The following GDF7 variants were observed in gnomAD, a reference collection of about 807,000 sequenced individuals.
The protein encoded by GDF7 is growth differentiation factor 7, also known as growth/differentiation factor 7.
In GDF7, 12 loss-of-function variants were observed where a neutral mutation model predicts 13.4. That is an observed-to-expected ratio of 0.90 (90% CI 0.57 to 1.45). The LOEUF (loss-of-function observed/expected upper bound fraction) is 1.45, where lower values mean the gene tolerates loss of function less well. Among genes scored for constraint, GDF7 ranks in the 40% most tolerant of loss-of-function variants. The pLI is 0.00. For missense variants in GDF7, 651 were observed against 652.4 expected (o/e 1.00, Z 0.02); for synonymous variants, 330 against 306.4 (o/e 1.08, Z -0.80).
chr2:20,667,566 T>A lies in GDF7; in HGVS notation c.327T>A (p.Ala109=). 1 of 1,502,940 alleles carries A rather than the reference T, an allele frequency of 6.7e-7. No individual in the cohort carries two copies. The highest frequency in any genetic ancestry group is 8.8e-7 in the Non-Finnish European group (1 of 1,133,036). The allele number at this position is 1,502,940 out of a possible 1,614,324, so 93.1% of individuals were successfully genotyped here. A position where few individuals can be genotyped will look rare whatever the true frequency, so the allele number is the denominator to read the frequency against. ...LAGRAPAGAA[A]VSASGHGRAD... ...GGAGGGCTCCGGCCGGGGCAGCCGC[T>A]GTCTCCGCCTCGGGCCATGGTCGCG... The change falls in exon 1 of 2, where the codon GCT becomes GCA. Residue 109 remains alanine (A), a synonymous_variant. Coordinates refer to ENST00000272224, the MANE Select transcript of GDF7 (RefSeq NM_182828.4). The surrounding 1 kb of genome is among the most constrained non-coding windows in gnomAD (Gnocchi z 6.4).
chr2:20,678,272 T>C lies in GDF7; in HGVS notation c.*6847T>C, dbSNP rs1350362560. 1.3e-5 allele frequency: 2 copies of C among 152,260 alleles called. No homozygotes were observed. Among genetic ancestry groups the C allele is most frequent in the Admixed American group, 6.5e-5 (1 of 15,290 alleles). The allele number at this position is 152,260 out of a possible 1,614,324, so 9.4% of individuals were successfully genotyped here. ...CATGAGCATCCTTAGAATAATTTTA[T>C]TTTTGTATTTCACTTTACACTGTAA... On this transcript the variant is annotated 3_prime_UTR_variant, in exon 2 of 2. Transcript: ENST00000272224.
In GDF7 at chr2:20,671,311, C is replaced by T. The variant is rs1286261730; in HGVS notation, c.1239C>T (p.Ser413=). 1 of 1,613,620 alleles carries T rather than the reference C, an allele frequency of 6.2e-7. No homozygotes were observed. The highest frequency in any genetic ancestry group is 8.5e-7 in the Non-Finnish European group (1 of 1,179,968). ...TGGCACCAGACGCGGCGCCGGCCTC[C>T]TGCTGTGTGCCAGCGCGCCTCAGCC... ...NSMAPDAAPA[S]CCVPARLSPI... is the part of the protein sequence containing the mutation. Residue 413 remains serine (S), a synonymous_variant, in exon 2 of 2, where the codon TCC becomes TCT. Transcript: ENST00000272224.
rs1335672243 is a variant in GDF7, at chr2:20,678,121, G to C, written c.*6696G>C. The C allele has an allele frequency of 6.6e-6, 1 of 152,258 alleles. No homozygotes were observed. Among genetic ancestry groups the C allele is most frequent in the Non-Finnish European group, 1.5e-5 (1 of 68,052 alleles). 9.4% of individuals were successfully genotyped at this position (152,258 alleles called of 1,614,324 possible). A position where few individuals can be genotyped will look rare whatever the true frequency, so the allele number is the denominator to read the frequency against. On this transcript the variant is annotated 3_prime_UTR_variant, in exon 2 of 2. Coordinates refer to ENST00000272224, the MANE Select transcript of GDF7 (RefSeq NM_182828.4). ...AGAAAATGATGATGCAGTTCAGTGA[G>C]AAAGAAAGCTCAGGATAAAATATGT...
Position 20,667,464 on chromosome 2 carries a change from C to G in GDF7, c.225C>G (p.Arg75=). 8.2e-7 allele frequency: 1 copy of G among 1,219,312 alleles called. No homozygotes were observed. The highest frequency in any genetic ancestry group is 1.0e-6 in the Non-Finnish European group (1 of 978,004). 75.5% of individuals were successfully genotyped at this position (1,219,312 alleles called of 1,614,324 possible). A position where few individuals can be genotyped will look rare whatever the true frequency, so the allele number is the denominator to read the frequency against. ...AAVPRARAAR[R]AAGSGFRNGS... ...TTCCCCGGGCCCGCGCCGCGCGCCG[C>G]GCCGCGGGCTCCGGCTTCAGGAACG... Residue 75 remains arginine, a synonymous_variant, in exon 1 of 2, where the codon CGC becomes CGG. Coordinates refer to ENST00000272224, the MANE Select transcript of GDF7 (RefSeq NM_182828.4). The surrounding 1 kb of genome is among the most constrained non-coding windows in gnomAD (Gnocchi z 6.4).
Position 20,667,270 on chromosome 2 carries a change from C to A in GDF7, c.31C>A (p.Leu11Ile). 8.1e-7 allele frequency: 1 copy of A among 1,241,310 alleles called. No individual in the cohort carries two copies. Among genetic ancestry groups the A allele is most frequent in the Non-Finnish European group, 1.0e-6 (1 of 983,450 alleles). The allele number at this position is 1,241,310 out of a possible 1,614,324, so 76.9% of individuals were successfully genotyped here. A position where few individuals can be genotyped will look rare whatever the true frequency, so the allele number is the denominator to read the frequency against. The change falls in exon 1 of 2, where the codon CTT becomes ATT. Residue 11 changes from leucine to isoleucine, a missense_variant. Transcript: ENST00000272224. This position sits in a 1 kb window ranked among gnomAD's most constrained non-coding sequence, Gnocchi z 6.4. MDLSAAAALC[L>I]WLLSACRPRD... ...CCTGAGCGCCGCCGCCGCGCTGTGC[C>A]TTTGGCTGCTGAGCGCCTGCCGCCC...
Position 20,667,998 on chromosome 2 carries a change from CG to C in GDF7, c.391+371del, listed in dbSNP as rs1340219061. 1.3e-5 allele frequency among the ~76,000 whole-genome samples: 2 copies of C among 152,214 alleles called. No individual in the cohort carries two copies. Among genetic ancestry groups the C allele is most frequent in the Non-Finnish European group, 2.9e-5 (2 of 68,022 alleles). ...GAAAGGAGGGCAAGAGCTGTGTTCC[CG>C]GGAGTCACGGCGAGAGGGACTGCAC... is the stretch of plus-strand genomic sequence containing the variant. On this transcript the variant is annotated intron_variant, in intron 1 of 1. Coordinates refer to ENST00000272224, the MANE Select transcript of GDF7 (RefSeq NM_182828.4). This position sits in a 1 kb window ranked among gnomAD's most constrained non-coding sequence, Gnocchi z 6.4.
In GDF7 at chr2:20,673,059, T is replaced by C. The variant is rs1484499920; in HGVS notation, c.*1634T>C. 5 of 152,122 alleles carry C rather than the reference T, an allele frequency of 3.3e-5. No individual in the cohort carries two copies. Among genetic ancestry groups the C allele is most frequent in the African/African-American group, 1.2e-4 (5 of 41,408 alleles). The allele number at this position is 152,122 out of a possible 1,614,324, so 9.4% of individuals were successfully genotyped here. On this transcript the variant is annotated 3_prime_UTR_variant, in exon 2 of 2. Transcript: ENST00000272224. ...GGGGAGCATTATTTCCACCCTGTGTTGGATGCAGGACAATTCATACACATT... is the reference window on the plus strand; with the variant it reads ...GGGGAGCATTATTTCCACCCTGTGTCGGATGCAGGACAATTCATACACATT...
Position 20,671,155 on chromosome 2 carries a change from C to T in GDF7, c.1083C>T (p.Leu361=), listed in dbSNP as rs1247520712. ...CGTTGCACGTGGACTTCAAGGAGCT[C>T]GGCTGGGACGACTGGATCATCGCGC... ...RKPLHVDFKE[L]GWDDWIIAPL... Residue 361 remains leucine (L), a synonymous_variant, in exon 2 of 2, where the codon CTC becomes CTT. Transcript: ENST00000272224. 1.9e-6 allele frequency: 3 copies of T among 1,612,974 alleles called. No homozygotes were observed. Among genetic ancestry groups the T allele is most frequent in the Non-Finnish European group, 2.5e-6 (3 of 1,179,746 alleles).
rs766994163 is a variant in GDF7 at position 20,670,975 on chromosome 2, C to T, written c.903C>T (p.Pro301=). 25 of 1,557,474 alleles carry T rather than the reference C, an allele frequency of 1.6e-5. No individual in the cohort carries two copies. The South Asian group carries it at 2.8e-4, about 18-fold the overall frequency. The change falls in exon 2 of 2, where the codon CCC becomes CCT. Residue 301 remains proline (P), a synonymous_variant. Transcript: ENST00000272224. ...CCGCTCTGGCCTCAGAGCCGCTGCC[C>T]GACCCAGGAACCGGCACCGCGTCGC... is the stretch of plus-strand genomic sequence containing the variant. ...LGAALASEPL[P]DPGTGTASPR...
Position 20,676,277 on chromosome 2 carries a change from T to C in GDF7, c.*4852T>C, listed in dbSNP as rs986601454. 4 of 152,218 alleles carry C rather than the reference T, an allele frequency of 2.6e-5. No individual in the cohort carries two copies. Among genetic ancestry groups the C allele is most frequent in the African/African-American group, 9.7e-5 (4 of 41,450 alleles). The allele number at this position is 152,218 out of a possible 1,614,324, so 9.4% of individuals were successfully genotyped here. On this transcript the variant is annotated 3_prime_UTR_variant, in exon 2 of 2. Transcript: ENST00000272224. ...AAGAGCTTGTCTCTCTCTTCCTTTT[T>C]GTGGTCTGGAGAAGTTAACATAAAG... is the stretch of plus-strand genomic sequence containing the variant.
Position 20,671,643 on chromosome 2 carries a change from G to C in GDF7, c.*218G>C, listed in dbSNP as rs940381221. 2 of 571,608 alleles carry C rather than the reference G, an allele frequency of 3.5e-6. No individual in the cohort carries two copies. The highest frequency in any genetic ancestry group is 6.2e-6 in the Non-Finnish European group (2 of 320,780). The allele number at this position is 571,608 out of a possible 1,614,324, so 35.4% of individuals were successfully genotyped here. ...AGCCTTGGGAAGAGATGACCTGCCG[G>C]TACCGAATGTCAAAGCCCTGTGTAT... On this transcript the variant is annotated 3_prime_UTR_variant, in exon 2 of 2. Transcript: ENST00000272224.
chr2:20,672,150 A>T lies in GDF7; in HGVS notation c.*725A>T. On this transcript the variant is annotated 3_prime_UTR_variant, in exon 2 of 2. Transcript: ENST00000272224. ...GCCTTTTTTTTTTTTTTTTTTAATCAATTCCAATAGGAAATGTTATGGAAA... is the reference window on the plus strand; with the variant it reads ...GCCTTTTTTTTTTTTTTTTTTAATCTATTCCAATAGGAAATGTTATGGAAA... 1 of 135,008 alleles carries T rather than the reference A, an allele frequency of 7.4e-6. No homozygotes were observed. Among genetic ancestry groups the T allele is most frequent in the Admixed American group, 7.3e-5 (1 of 13,746 alleles). The allele number at this position is 135,008 out of a possible 1,614,324, so 8.4% of individuals were successfully genotyped here.
intron 1 of GDF7, among the ~76,000 whole-genome samples, chr2:20,670,011 C>T (rs1481218868): frequency 6.6e-6 from 1 of 152,182 alleles, no homozygotes; most frequent in Non-Finnish European, 1.5e-5. Flanking sequence ...AGGGCAATAA[C>T]GATAAGTCTC....
chr2:20,672,465 C>A lies in GDF7; in HGVS notation c.*1040C>A, dbSNP rs113875240. On this transcript the variant is annotated 3_prime_UTR_variant, in exon 2 of 2. Transcript: ENST00000272224. ...GAGGTGTCCTGGGGCCCACTCCAGC[C>A]GAGGACTCCGGCTTGCCGGCCAGGT... 9,086 of 152,314 alleles carry A rather than the reference C, an allele frequency of 0.06. 538 individuals carry two copies. Among genetic ancestry groups the A allele is most frequent in the African/African-American group, 0.15 (6,338 of 41,538 alleles). The allele number at this position is 152,314 out of a possible 1,614,324, so 9.4% of individuals were successfully genotyped here. A position where few individuals can be genotyped will look rare whatever the true frequency, so the allele number is the denominator to read the frequency against.
At chr2:20,670,413 G>A in intron 1 of GDF7, 51 bp from the exon 2 acceptor site, 2 of 1,466,454 alleles carry the variant, frequency 1.4e-6, no homozygotes, top group Non-Finnish European at 1.8e-6. Flanking sequence ...ACAGTGTGCA[G>A]GATTTGCTCT....
intron 1 of GDF7, among the ~76,000 whole-genome samples, chr2:20,669,000 A>C (rs911488272): frequency 2.6e-5 from 4 of 152,130 alleles, no homozygotes; most frequent in African/African-American, 9.7e-5. Context: ...AGCTAGTTCT[A>C]CCATGGTCTC....
At position 20,670,702 on chromosome 2, in the gene GDF7, G is replaced by T. The variant is rs551302606; in HGVS notation, c.630G>T (p.Ala210=). The T allele has an allele frequency of 6.8e-7, 1 of 1,480,842 alleles. No homozygotes were observed. Among genetic ancestry groups the T allele is most frequent in the South Asian group, 1.3e-5 (1 of 75,982 alleles). 91.7% of individuals were successfully genotyped at this position (1,480,842 alleles called of 1,614,324 possible). A position where few individuals can be genotyped will look rare whatever the true frequency, so the allele number is the denominator to read the frequency against. ...CCCTAGTCGGTCAGCGCTGGGAGGC[G>T]TTCGACGTGGCGGACGCCATGAGGC... ...AEPLVGQRWE[A]FDVADAMRRH... Residue 210 remains alanine (A), a synonymous_variant, in exon 2 of 2, where the codon GCG becomes GCT. Coordinates refer to ENST00000272224, the MANE Select transcript of GDF7 (RefSeq NM_182828.4).
intron 1 of GDF7, among the ~76,000 whole-genome samples, chr2:20,670,031 C>A (rs1297627991): frequency 6.6e-6 from 1 of 152,200 alleles, no homozygotes; most frequent in Non-Finnish European, 1.5e-5. Context: ...CCTTAAGGCC[C>A]AGGACCTCAG....
At chr2:20,669,689 A>C (rs1662075793) in intron 1 of GDF7, among the ~76,000 whole-genome samples, 1 of 152,060 alleles carries the variant, frequency 6.6e-6, no homozygotes, top group African/African-American at 2.4e-5. Flanking sequence ...GAGCACCGGG[A>C]GGAGGTGCAT....
Sources: allele counts gnomAD v4.1 joint callset (sites outside exome capture counted in the v4.1 genomes callset), GRCh38; gene constraint gnomAD v4.1.1; non-coding constraint Gnocchi (gnomAD v3.1); transcripts MANE v1.5; gene names NCBI Gene and HGNC (gene_info 2026-07-23, HGNC 2026-07-21).